GPC6: variants seen among roughly 807,000 people sequenced by gnomAD.
GPC6 encodes the protein glypican 6.
GPC6 carries 14 observed loss-of-function variants against 55.2 expected under a neutral mutation model. The observed-to-expected ratio is 0.25, with a 90% confidence interval of 0.17 to 0.40. The LOEUF is 0.40. Ranked by LOEUF, GPC6 falls within the 10% of genes least tolerant of loss-of-function variation. The pLI, the probability that GPC6 is intolerant of heterozygous loss-of-function variation, is 1.00. For missense variants in GPC6, 641 were observed against 708.5 expected, an observed-to-expected ratio of 0.90 and a Z score of 1.08; for synonymous variants, 278 against 259.6, an observed-to-expected ratio of 1.07 and a Z score of -0.68.
At chr13:94,058,799 T>G (rs1884221710) in intron 4 of GPC6, among the ~76,000 whole-genome samples, 1 of 152,168 alleles carries the variant, frequency 6.6e-6, no homozygotes. Flanking sequence ...GGGCAAGAGT[T>G]TGGTAGGTGA....
chr13:93,836,502 T>C (rs1887737068), intron 3 of GPC6, among the ~76,000 whole-genome samples: 1 of 152,180 alleles, frequency 6.6e-6, no homozygotes, highest in Admixed American at 6.5e-5. Flanking sequence ...TGAATGAAAG[T>C]TTTTTTATAG....
intron 1 of GPC6, among the ~76,000 whole-genome samples, chr13:93,385,063 G>C (rs1486949164): frequency 6.6e-6 from 1 of 152,296 alleles, no homozygotes; most frequent in East Asian, 1.9e-4. Flanking sequence ...AAACACATTG[G>C]GAAAAGGGTG....
rs949753339 is a variant in GPC6, at chr13:94,405,066, G to T, written c.*1849G>T. ...TCTGTTCTCATCAAAATTAAAATTA[G>T]TTATTGATTTAGTCATCACATTTAA... On this transcript the variant is annotated 3_prime_UTR_variant, in exon 9 of 9. Coordinates refer to ENST00000377047, the MANE Select transcript of GPC6 (RefSeq NM_005708.5). 3.9e-5 allele frequency: 6 copies of T among 152,192 alleles called. No individual in the cohort carries two copies. The highest frequency in any genetic ancestry group is 1.4e-4 in the African/African-American group (6 of 41,440). The allele number at this position is 152,192 out of a possible 1,614,324, so 9.4% of individuals were successfully genotyped here.
intron 2 of GPC6, among the ~76,000 whole-genome samples, chr13:93,721,748 G>A (rs1819454058): frequency 6.6e-6 from 1 of 151,656 alleles, no homozygotes; most frequent in Admixed American, 6.6e-5. Context: ...CTGTGGTATC[G>A]AGAGATAATC....
At chr13:93,834,625 T>C (rs916581825) in intron 3 of GPC6, among the ~76,000 whole-genome samples, 8 of 152,122 alleles carry the variant, frequency 5.3e-5, no homozygotes, top group Admixed American at 2.0e-4. Context: ...TATACATGAA[T>C]GTATTGTGTA....
intron 1 of GPC6, among the ~76,000 whole-genome samples, chr13:93,541,182 C>A (rs567196873): frequency 8.5e-6 from 1 of 117,992 alleles, no homozygotes; most frequent in Non-Finnish European, 1.7e-5. Flanking sequence ...CCCCTCCCCC[C>A]ACCCCACAAC....
At chr13:93,652,494 T>G (rs1880458772) in intron 2 of GPC6, among the ~76,000 whole-genome samples, 1 of 152,338 alleles carries the variant, frequency 6.6e-6, no homozygotes, top group South Asian at 2.1e-4. Context: ...TTTCAAGTTA[T>G]GCTTATTAAC....
intron 3 of GPC6, among the ~76,000 whole-genome samples, chr13:94,020,010 T>C (rs917896960): frequency 1.3e-5 from 2 of 152,156 alleles, no homozygotes; most frequent in African/African-American, 4.8e-5. Context: ...CTATTTGCTT[T>C]TTTTGTTTAT....
intron 6 of GPC6, among the ~76,000 whole-genome samples, chr13:94,376,729 C>A (rs1422620527): frequency 2.6e-5 from 4 of 152,138 alleles, no homozygotes; most frequent in Admixed American, 1.3e-4. Context: ...CAAAAAAGAG[C>A]CCGCATCGCC....
chr13:93,997,472 G>A (rs754114287), intron 3 of GPC6, among the ~76,000 whole-genome samples: 1 of 152,048 alleles, frequency 6.6e-6, no homozygotes, highest in African/African-American at 2.4e-5. Context: ...TCTGCTCTTC[G>A]TGTCCAGAGC....
At chr13:94,019,779 A>G (rs905055244) in intron 3 of GPC6, among the ~76,000 whole-genome samples, 2 of 152,210 alleles carry the variant, frequency 1.3e-5, no homozygotes, top group Admixed American at 6.5e-5. Flanking sequence ...GCATTTTGTC[A>G]GGATTCTATT....
intron 2 of GPC6, among the ~76,000 whole-genome samples, chr13:93,713,210 CTGGT>C (rs1883134185): frequency 6.6e-6 from 1 of 151,440 alleles, no homozygotes; most frequent in African/African-American, 2.4e-5. Flanking sequence ...AATGCAATTA[CTGGT>C]AAACATAAGG....
intron 2 of GPC6, among the ~76,000 whole-genome samples, chr13:93,678,247 A>G (rs966329921): frequency 3.3e-5 from 5 of 152,170 alleles, no homozygotes; most frequent in Admixed American, 6.6e-5. Context: ...TTTGCATACC[A>G]GTACAAGGAA....
At chr13:94,142,836 T>A (rs1361862668) in intron 4 of GPC6, among the ~76,000 whole-genome samples, 1 of 151,920 alleles carries the variant, frequency 6.6e-6, no homozygotes, top group African/African-American at 2.4e-5. Flanking sequence ...TACTTTTTTT[T>A]TTTTTCTTTT....
intron 3 of GPC6, among the ~76,000 whole-genome samples, chr13:93,974,099 AC>A (rs1309210117): frequency 6.6e-6 from 1 of 152,174 alleles, no homozygotes; most frequent in Non-Finnish European, 1.5e-5. Flanking sequence ...GCTGGTGGTT[AC>A]CCAAGAGAAG....
intron 1 of GPC6, among the ~76,000 whole-genome samples, chr13:93,398,582 C>G (rs752779613): frequency 2.4e-4 from 36 of 152,220 alleles, no homozygotes; most frequent in Non-Finnish European, 3.8e-4. Flanking sequence ...GGGTTTGTCT[C>G]AAGTATGACA....
intron 4 of GPC6, among the ~76,000 whole-genome samples, chr13:94,220,577 G>A (rs1200787643): frequency 1.3e-5 from 2 of 152,024 alleles, no homozygotes; most frequent in African/African-American, 2.4e-5. Context: ...AAACAGAGGG[G>A]CTTAAACAAC....
intron 4 of GPC6, among the ~76,000 whole-genome samples, chr13:94,189,890 G>A (rs896656879): frequency 3.9e-5 from 6 of 152,040 alleles, no homozygotes; most frequent in Non-Finnish European, 8.8e-5. Context: ...GCGTGGTGGC[G>A]GGCGCCTGTA....
chr13:94,331,895 G>A (rs540243519), intron 6 of GPC6, among the ~76,000 whole-genome samples: 10 of 152,324 alleles, frequency 6.6e-5, no homozygotes, highest in African/African-American at 2.4e-4. Flanking sequence ...TTATATCAAA[G>A]AGTTCGTCAA....
Sources: gnomAD v4.1 joint callset for allele counts (sites outside exome capture counted in the v4.1 genomes callset) on GRCh38, gnomAD v4.1.1 for gene constraint, MANE v1.5 for transcripts, NCBI Gene and HGNC (gene_info 2026-07-23, HGNC 2026-07-21) for gene names.